The following SNAPC3 variants were observed in gnomAD, a reference collection of about 807,000 sequenced individuals.
SNAPC3 encodes snRNA-activating protein complex subunit 3.
Under a neutral mutation model 47.7 loss-of-function variants are expected in SNAPC3, and 56 were observed. The ratio of observed to expected loss-of-function variants is 1.18; its 90% CI spans 0.95 to 1.47. The LOEUF is 1.47. Among genes scored for constraint, SNAPC3 ranks in the 40% most tolerant of loss-of-function variants. SNAPC3 has a pLI of 0.00. For synonymous variants in SNAPC3, 235 were observed against 189.9 expected (o/e 1.24, Z -1.95); for missense variants, 665 against 511.3 (o/e 1.30, Z -2.90).
At chr9:15,439,722 C>G (rs2033152644) in intron 3 of SNAPC3, among the ~76,000 whole-genome samples, 1 of 152,072 alleles carries the variant, frequency 6.6e-6, no homozygotes, top group African/African-American at 2.4e-5. Context: ...TTTGTAGAGG[C>G]AGGGTTTCAC....
intron 3 of SNAPC3, among the ~76,000 whole-genome samples, chr9:15,444,169 A>G (rs534834482): frequency 1.3e-5 from 2 of 152,356 alleles, no homozygotes; most frequent in South Asian, 2.1e-4. Context: ...AGCCAAACAA[A>G]TCCGTATTTG....
Position 15,441,222 on chromosome 9 carries a change from A to G in SNAPC3, c.478-3380A>G, listed in dbSNP as rs1307850639. On this transcript the variant is annotated intron_variant, in intron 3 of 8. Transcript: ENST00000380821. ...TATTTAACGTTATTATTATTTTTTT[A>G]ATTTCATTTTCTTCATTTTATTTCA... is the stretch of plus-strand genomic sequence containing the variant. 2.7e-5 allele frequency among the ~76,000 whole-genome samples: 4 copies of G among 148,790 alleles called. No individual in the cohort carries two copies. In the East Asian group the frequency reaches 7.8e-4, roughly 29 times the overall value.
rs2035112318 is a variant in SNAPC3 at position 15,460,341 on chromosome 9, G to A, written c.*475G>A. On this transcript the variant is annotated 3_prime_UTR_variant, in exon 9 of 9. Transcript: ENST00000380821. ...AAAGATCCTTCAAATAACTGTAATG[G>A]AAACTAGGGAGAATGAATTATTTAC... 1 of 152,292 alleles carries A rather than the reference G, an allele frequency of 6.6e-6. No homozygotes were observed. The highest frequency in any genetic ancestry group is 1.5e-5 in the Non-Finnish European group (1 of 68,100). 9.4% of individuals were successfully genotyped at this position (152,292 alleles called of 1,614,324 possible). A position where few individuals can be genotyped will look rare whatever the true frequency, so the allele number is the denominator to read the frequency against.
At position 15,435,085 on chromosome 9, in the gene SNAPC3, C is replaced by CT. The variant is rs538073024; in HGVS notation, c.477+1457dup. Among the ~76,000 whole-genome samples the CT allele has an allele frequency of 6.7e-4, 102 of 152,022 alleles. No homozygotes were observed. In the South Asian group the frequency reaches 0.01, roughly 15 times the overall value. The stretch of plus-strand genomic sequence containing the variant: ...GTACTTGTGAACATGTGTTTTCTAG[C>CT]TTTTTTTTAATAATAGCCATCCTTG... On this transcript the variant is annotated intron_variant, in intron 3 of 8. Coordinates refer to ENST00000380821, the MANE Select transcript of SNAPC3 (RefSeq NM_001039697.2).
chr9:15,455,752 G>A (rs1214931584), intron 7 of SNAPC3, among the ~76,000 whole-genome samples: 1 of 150,780 alleles, frequency 6.6e-6, no homozygotes, highest in Non-Finnish European at 1.5e-5. Flanking sequence ...AGGCTGGAAT[G>A]CAGTGGCATG....
chr9:15,446,975 G>A, intron 4 of SNAPC3, 120 bp from the exon 5 acceptor site: 2 of 866,966 alleles, frequency 2.3e-6, no homozygotes, highest in East Asian at 2.4e-5. Flanking sequence ...AGAGCATCAA[G>A]TTATGGGGAC....
At chr9:15,433,259 G>A (rs1291713940) in intron 2 of SNAPC3, among the ~76,000 whole-genome samples, 1 of 147,624 alleles carries the variant, frequency 6.8e-6, no homozygotes, top group Non-Finnish European at 1.5e-5. Context: ...TCCTGGATAG[G>A]AATCTGGAAC....
At chr9:15,457,629 A>C (rs1253984014) in intron 7 of SNAPC3, among the ~76,000 whole-genome samples, 1 of 152,138 alleles carries the variant, frequency 6.6e-6, no homozygotes, top group East Asian at 1.9e-4. Context: ...AGTGTTAAGC[A>C]AAGCAAGGAT....
rs572219086 is a variant in SNAPC3 at position 15,443,025 on chromosome 9, G to C, written c.478-1577G>C. Among the ~76,000 whole-genome samples the C allele has an allele frequency of 1.1e-4, 16 of 152,336 alleles. 1 individual carries two copies. In the East Asian group the frequency reaches 2.5e-3, roughly 24 times the overall value. ...CTCCACCAAAAAAATATGAAAACCA[G>C]TCAGGCGTGGCGGCGCGCACCCGCA... On this transcript the variant is annotated intron_variant, in intron 3 of 8. Coordinates refer to ENST00000380821, the MANE Select transcript of SNAPC3 (RefSeq NM_001039697.2).
downstream of SNAPC3, chr9:15,465,621 T>A: frequency 6.1e-6 from 9 of 1,473,070 alleles, no homozygotes; most frequent in Non-Finnish European, 8.4e-6. Context: ...ATTAGGATTT[T>A]CTCCTGATGA....
In SNAPC3 at chr9:15,457,945, T is replaced by C. The variant is rs533723577; in HGVS notation, c.981-15T>C. 1 of 1,490,404 alleles carries C rather than the reference T, an allele frequency of 6.7e-7. No individual in the cohort carries two copies. Among genetic ancestry groups the C allele is most frequent in the Non-Finnish European group, 9.2e-7 (1 of 1,088,446 alleles). The allele number at this position is 1,490,404 out of a possible 1,614,324, so 92.3% of individuals were successfully genotyped here. A position where few individuals can be genotyped will look rare whatever the true frequency, so the allele number is the denominator to read the frequency against. On this transcript the variant is annotated splice_polypyrimidine_tract_variant and intron_variant, in intron 7 of 8. Transcript: ENST00000380821. Reference sequence around the variant, plus strand: ...ATTTGTCACCTTAATATCTTTATTTTCCCACGAACAAAAGGCTTGTGCATC... The same window carrying C: ...ATTTGTCACCTTAATATCTTTATTTCCCCACGAACAAAAGGCTTGTGCATC...
At chr9:15,434,714 A>G (rs2032581079) in intron 3 of SNAPC3, among the ~76,000 whole-genome samples, 1 of 152,032 alleles carries the variant, frequency 6.6e-6, no homozygotes, top group Admixed American at 6.6e-5. Flanking sequence ...CCTATGGCAT[A>G]TTTTACGTAG....
intron 1 of SNAPC3, 49 bp from the exon 2 acceptor site, chr9:15,423,860 A>C (rs368578877): frequency 1.6e-5 from 17 of 1,088,932 alleles, no homozygotes; most frequent in Admixed American, 7.9e-5. Context: ...CTCGCTGTGA[A>C]CCAGATGCAG....
At chr9:15,446,962 T>C in intron 4 of SNAPC3, 133 bp from the exon 5 acceptor site, 1 of 788,078 alleles carries the variant, frequency 1.3e-6, no homozygotes, top group Non-Finnish European at 2.1e-6. Flanking sequence ...GATGTGAAAA[T>C]ACAGAGCATC....
chr9:15,423,866 T>G lies in SNAPC3; in HGVS notation c.315-43T>G, dbSNP rs770662787. The stretch of plus-strand genomic sequence containing the variant: ...CAACCCTAACTCGCTGTGAACCAGA[T>G]GCAGAGTCGACCTTAAAGTATTGCT... On this transcript the variant is annotated intron_variant, in intron 1 of 8. Coordinates refer to ENST00000380821, the MANE Select transcript of SNAPC3 (RefSeq NM_001039697.2). The G allele has an allele frequency of 3.4e-5, 39 of 1,153,170 alleles. No individual in the cohort carries two copies. The Admixed American group carries it at 9.8e-4, about 29-fold the overall frequency. 71.4% of individuals were successfully genotyped at this position (1,153,170 alleles called of 1,614,324 possible).
At chr9:15,429,138 C>G (rs1013478472) in intron 2 of SNAPC3, among the ~76,000 whole-genome samples, 1 of 151,868 alleles carries the variant, frequency 6.6e-6, no homozygotes, top group African/African-American at 2.4e-5. Flanking sequence ...GGCAAACTTA[C>G]AAAAAGCATC....
intron 7 of SNAPC3, among the ~76,000 whole-genome samples, chr9:15,454,751 C>T (rs769623039): frequency 7.2e-5 from 11 of 152,094 alleles, no homozygotes; most frequent in Non-Finnish European, 1.2e-4. Flanking sequence ...TGCTGGCTAA[C>T]ACAGTGAAAG....
At chr9:15,455,220 A>G (rs753941777) in intron 7 of SNAPC3, among the ~76,000 whole-genome samples, 6 of 152,226 alleles carry the variant, frequency 3.9e-5, no homozygotes, top group South Asian at 2.1e-4. Context: ...CCTTGGATTT[A>G]TATGACTTTT....
intron 2 of SNAPC3, among the ~76,000 whole-genome samples, chr9:15,427,746 G>A (rs1008075127): frequency 2.0e-5 from 3 of 152,160 alleles, no homozygotes; most frequent in Admixed American, 2.0e-4. Flanking sequence ...GGTCCAGGAT[G>A]TACTGTTTAA....
Sources: allele counts gnomAD v4.1 joint callset (sites outside exome capture counted in the v4.1 genomes callset), GRCh38; gene constraint gnomAD v4.1.1; transcripts MANE v1.5; gene names NCBI Gene and HGNC (gene_info 2026-07-23, HGNC 2026-07-21).